RIPOR2: variants seen among roughly 807,000 people sequenced by gnomAD.
The protein encoded by RIPOR2 is rho family-interacting cell polarization regulator 2.
In RIPOR2, 39 loss-of-function variants were observed where a neutral mutation model predicts 114.5. The observed-to-expected ratio is 0.34, with a 90% CI of 0.26 to 0.44. The LOEUF (loss-of-function observed/expected upper bound fraction) is 0.44. Among genes scored for constraint, RIPOR2 ranks in the 20% least tolerant of loss-of-function variants. The probability of loss-of-function intolerance (pLI) is 1.00; values close to 1 mark genes in which losing one functional copy is unlikely to be tolerated. For missense variants in RIPOR2, 1,007 were observed against 1,255.1 expected, an observed-to-expected ratio of 0.80 and a Z score of 2.99; for synonymous variants, 445 against 484.4, an observed-to-expected ratio of 0.92 and a Z score of 1.07.
At chr6:25,033,724 A>G (rs1318874343) in intron 1 of RIPOR2, among the ~76,000 whole-genome samples, 3 of 152,212 alleles carry the variant, frequency 2.0e-5, no homozygotes, top group East Asian at 1.9e-4. Flanking sequence ...AACACATCCT[A>G]CAGGCTCCCA....
intron 1 of RIPOR2, among the ~76,000 whole-genome samples, chr6:24,898,108 G>A (rs1768068430): frequency 6.6e-6 from 1 of 152,014 alleles, no homozygotes; most frequent in South Asian, 2.1e-4. Flanking sequence ...AAGCCAAAGT[G>A]TAATGCTAGG....
intron 1 of RIPOR2, among the ~76,000 whole-genome samples, chr6:24,953,637 C>T (rs1185188840): frequency 1.3e-5 from 2 of 152,200 alleles, no homozygotes; most frequent in East Asian, 3.9e-4. Flanking sequence ...TCCTTCTCTG[C>T]TGAAGCGGGT....
chr6:25,000,597 T>C (rs543132448), intron 1 of RIPOR2, among the ~76,000 whole-genome samples: 2 of 152,330 alleles, frequency 1.3e-5, no homozygotes, highest in East Asian at 3.9e-4. Context: ...ACATTGTTCA[T>C]GTTTTACATA....
chr6:24,915,446 C>T (rs1769997952), intron 1 of RIPOR2, among the ~76,000 whole-genome samples: 1 of 151,792 alleles, frequency 6.6e-6, no homozygotes, highest in Admixed American at 6.6e-5. Context: ...CCTCCACCTC[C>T]TGGGTTCAAG....
intron 1 of RIPOR2, among the ~76,000 whole-genome samples, chr6:24,995,662 A>C (rs1388482775): frequency 6.6e-6 from 1 of 152,226 alleles, no homozygotes; most frequent in Non-Finnish European, 1.5e-5. Flanking sequence ...ATATGTTCTC[A>C]AGTCATTCTT....
chr6:24,842,991 T>A lies in RIPOR2; in HGVS notation c.1728A>T (p.Arg576Ser). The A allele has an allele frequency of 3.2e-6, 5 of 1,584,136 alleles. No homozygotes were observed. The highest frequency in any genetic ancestry group is 4.3e-6 in the Non-Finnish European group (5 of 1,164,324). The part of the protein sequence containing the change: ...GSVGGESEGC[R>S]SFLDGSLEDA... The stretch of plus-strand genomic sequence containing the variant: ...CCTCTAAGCTTCCATCTAGAAAGGA[T>A]CTGCAGCCTTCAGATTCTCCACCAA... The change falls in exon 13 of 22, where the codon AGA becomes AGT. Residue 576 changes from arginine to serine, a missense_variant. By Grantham distance (110) the Arg-to-Ser change is moderately radical. Coordinates refer to ENST00000643898, the MANE Select transcript of RIPOR2 (RefSeq NM_001286445.3).
At chr6:24,954,576 C>T (rs985382227) in intron 1 of RIPOR2, among the ~76,000 whole-genome samples, 13 of 151,802 alleles carry the variant, frequency 8.6e-5, no homozygotes, top group Admixed American at 8.5e-4. Context: ...CTGTCTCAGC[C>T]TCCCAGGTAG....
chr6:25,001,795 G>A (rs772379577), intron 1 of RIPOR2, among the ~76,000 whole-genome samples: 3 of 149,216 alleles, frequency 2.0e-5, no homozygotes, highest in Admixed American at 6.7e-5. Flanking sequence ...CGCCTCCCGG[G>A]TTTAAGTGAT....
intron 21 of RIPOR2, among the ~76,000 whole-genome samples, chr6:24,808,614 TAA>T (rs908302650): frequency 6.6e-6 from 1 of 152,192 alleles, no homozygotes; most frequent in African/African-American, 2.4e-5. Context: ...TTCATGTTGT[TAA>T]GTTAGTATCA....
At chr6:24,950,439 G>T (rs2114199520) in intron 1 of RIPOR2, among the ~76,000 whole-genome samples, 1 of 152,146 alleles carries the variant, frequency 6.6e-6, no homozygotes, top group East Asian at 1.9e-4. Context: ...TAATCTCATG[G>T]TTTACTTTAT....
chr6:24,898,612 G>A (rs923176034), intron 1 of RIPOR2: 1 of 152,174 alleles, frequency 6.6e-6, no homozygotes, highest in Admixed American at 6.5e-5. Context: ...AATATGCAAG[G>A]TGTTGCCTCT....
chr6:24,856,323 C>T (rs1173556101), intron 8 of RIPOR2, among the ~76,000 whole-genome samples: 1 of 152,146 alleles, frequency 6.6e-6, no homozygotes, highest in Non-Finnish European at 1.5e-5. Context: ...AAGAAGCCTG[C>T]ATTCTACTAA....
chr6:25,039,436 A>G (rs1168876540), intron 1 of RIPOR2, among the ~76,000 whole-genome samples: 1 of 152,236 alleles, frequency 6.6e-6, no homozygotes, highest in Admixed American at 6.5e-5. Context: ...CTGGAAGAAT[A>G]TCAGAATTCC....
intron 1 of RIPOR2, among the ~76,000 whole-genome samples, chr6:24,894,736 A>T (rs1269813280): frequency 6.6e-6 from 1 of 152,232 alleles, no homozygotes. Context: ...GAGGGTCAAC[A>T]ACACAGTATA....
At chr6:24,965,748 C>A (rs1057324671) in intron 1 of RIPOR2, among the ~76,000 whole-genome samples, 2 of 152,102 alleles carry the variant, frequency 1.3e-5, no homozygotes, top group African/African-American at 4.8e-5. Flanking sequence ...ATACACAAAA[C>A]AAATGTGTAG....
chr6:24,962,109 G>A (rs2114222890), intron 1 of RIPOR2, among the ~76,000 whole-genome samples: 1 of 152,292 alleles, frequency 6.6e-6, no homozygotes, highest in African/African-American at 2.4e-5. Context: ...TTCAACCATT[G>A]TGCTAACTAG....
At position 24,862,963 on chromosome 6, in the gene RIPOR2, G is replaced by A. The variant is rs1415138392; in HGVS notation, c.652-1927C>T. Among the ~76,000 whole-genome samples the A allele has an allele frequency of 3.4e-4, 52 of 151,852 alleles. 2 individuals are homozygous for A. The highest frequency in any genetic ancestry group is 3.3e-3 in the Admixed American group (50 of 15,240). ...GGATGTATTTCTTTCTTGCTTTTTT[G>A]TTTTTTTGAGATAGAGTCTCTATCT... is the stretch of plus-strand genomic sequence containing the variant. On this transcript the variant is annotated intron_variant, in intron 7 of 21. Transcript: ENST00000643898.
chr6:24,918,579 G>A (rs78737701), intron 1 of RIPOR2, among the ~76,000 whole-genome samples: 2 of 152,142 alleles, frequency 1.3e-5, no homozygotes, highest in African/African-American at 4.8e-5. Flanking sequence ...AGGAATTACA[G>A]GCCCAGAAGC....
chr6:24,952,377 C>A lies in RIPOR2; in HGVS notation c.77-76560G>T, dbSNP rs146017598. 1.1e-3 allele frequency among the ~76,000 whole-genome samples: 167 copies of A among 152,202 alleles called. 4 individuals carry two copies. The East Asian group carries it at 0.019, about 17-fold the overall frequency. On this transcript the variant is annotated intron_variant, in intron 1 of 13. Coordinates refer to the RIPOR2 transcript ENST00000510784. ...TGTTGGCTGCTGGGGATATAGACTG[C>A]GAGTAGTATGCTGGTAAAAACTAAA...
Sources: gnomAD v4.1 joint callset for allele counts (sites outside exome capture counted in the v4.1 genomes callset) on GRCh38, gnomAD v4.1.1 for gene constraint, MANE v1.5 for transcripts, NCBI Gene and HGNC (gene_info 2026-07-23, HGNC 2026-07-21) for gene names.